Variants in YBEY observed in about 807,000 individuals in gnomAD.
YBEY encodes the protein ybeY metalloendoribonuclease.
In YBEY, 15 loss-of-function variants were observed where a neutral mutation model predicts 13.5. The ratio of observed to expected loss-of-function variants is 1.11; its 90% CI spans 0.75 to 1.72. YBEY has a LOEUF of 1.72. Among genes scored for constraint, YBEY ranks in the 40% most tolerant of loss-of-function variants. The probability of loss-of-function intolerance (pLI) is 0.00; values close to 1 mark genes in which losing one functional copy is unlikely to be tolerated. For synonymous variants in YBEY, 101 were observed against 83.1 expected (o/e 1.21, Z -1.17); for missense variants, 244 against 208.4 (o/e 1.17, Z -1.05).
downstream of YBEY, among the ~76,000 whole-genome samples, chr21:46,298,174 C>G (rs1025751967): frequency 3.3e-5 from 5 of 152,196 alleles, no homozygotes; most frequent in Non-Finnish European, 7.3e-5. Flanking sequence ...TGCGTGAGTT[C>G]TAAAGCCTGG....
At chr21:46,286,810 A>G in intron 1 of YBEY, 60 bp from the exon 2 acceptor site, 1 of 1,029,154 alleles carries the variant, frequency 9.7e-7, no homozygotes, top group South Asian at 1.6e-5. Context: ...GTGCATCTGT[A>G]TTTTTACAGA....
chr21:46,291,911 AG>A (rs2081728399), intron 3 of YBEY: 1 of 887,612 alleles, frequency 1.1e-6, no homozygotes, highest in Admixed American at 6.0e-5. Context: ...CAGTAGAGAA[AG>A]AGTTTAACAC....
At chr21:46,295,444 C>T (rs552408280) in intron 3 of YBEY, among the ~76,000 whole-genome samples, 3 of 152,192 alleles carry the variant, frequency 2.0e-5, no homozygotes, top group African/African-American at 4.8e-5. Flanking sequence ...CATAAACCCC[C>T]TTGGTGCTGT....
At chr21:46,288,729 G>A (rs2081573577) in intron 2 of YBEY, among the ~76,000 whole-genome samples, 1 of 151,316 alleles carries the variant, frequency 6.6e-6, no homozygotes. Context: ...ACGTAAAAAT[G>A]TATTGAAATG....
the YBEY span, among the ~76,000 whole-genome samples, chr21:46,308,149 G>A: frequency 1.1e-4 from 17 of 151,572 alleles, no homozygotes; most frequent in East Asian, 3.0e-3. Flanking sequence ...ATGTGCCACC[G>A]CACCTGCTGA....
At chr21:46,306,477 A>C in the YBEY span, among the ~76,000 whole-genome samples, 1 of 152,170 alleles carries the variant, frequency 6.6e-6, no homozygotes, top group South Asian at 2.1e-4. Flanking sequence ...CCAGCCTGGC[A>C]ACAGAGCGAC....
chr21:46,309,365 G>A, the YBEY span, among the ~76,000 whole-genome samples: 8 of 151,902 alleles, frequency 5.3e-5, no homozygotes, highest in African/African-American at 1.9e-4. Flanking sequence ...GGGAGGCTGA[G>A]GCAGGAGAAT....
At chr21:46,303,708 AATATATATAT>A in the YBEY span, among the ~76,000 whole-genome samples, 10 of 37,272 alleles carry the variant, frequency 2.7e-4, no homozygotes, top group Admixed American at 4.7e-4. Flanking sequence ...ACACACACAA[AATATATATAT>A]ATATATATAT....
the YBEY span, among the ~76,000 whole-genome samples, chr21:46,309,370 G>A: frequency 6.6e-6 from 1 of 151,760 alleles, no homozygotes; most frequent in African/African-American, 2.4e-5. Context: ...GCTGAGGCAG[G>A]AGAATCGCTT....
chr21:46,286,660 G>C, intron 1 of YBEY: 1 of 176,484 alleles, frequency 5.7e-6, no homozygotes, highest in Admixed American at 7.3e-5. Flanking sequence ...CGCTCCTTCC[G>C]CTCCGCCCGC....
At chr21:46,296,269 G>A in intron 4 of YBEY, 39 bp downstream of exon 4, 1 of 1,610,442 alleles carries the variant, frequency 6.2e-7, no homozygotes, top group Non-Finnish European at 8.5e-7. Context: ...GGGGGTGCGT[G>A]GGGGAAGGAG....
the YBEY span, among the ~76,000 whole-genome samples, chr21:46,306,069 C>CAAAAA: frequency 8.2e-6 from 1 of 122,450 alleles, no homozygotes; most frequent in African/African-American, 3.5e-5. Context: ...CACTGTGACT[C>CAAAAA]AAAAAAAAAA....
At chr21:46,305,569 A>ATCC in the YBEY span, among the ~76,000 whole-genome samples, 5 of 152,138 alleles carry the variant, frequency 3.3e-5, no homozygotes, top group African/African-American at 1.2e-4. Context: ...GGCTCAAGTG[A>ATCC]TCCTCCCATA....
downstream of YBEY, chr21:46,302,343 T>A: frequency 9.1e-7 from 1 of 1,104,888 alleles, no homozygotes; most frequent in South Asian, 1.6e-5. Flanking sequence ...TGGGACTCGA[T>A]GGGGATGGGG....
At chr21:46,305,467 C>T in the YBEY span, among the ~76,000 whole-genome samples, 1 of 151,772 alleles carries the variant, frequency 6.6e-6, no homozygotes, top group South Asian at 2.1e-4. Flanking sequence ...GTAGCTGGGA[C>T]CACAGGCACA....
intron 2 of YBEY, among the ~76,000 whole-genome samples, chr21:46,288,694 A>C (rs1042115925): frequency 6.6e-6 from 1 of 151,666 alleles, no homozygotes; most frequent in Non-Finnish European, 1.5e-5. Flanking sequence ...AAAAAAAAAA[A>C]AAGAAGAAAA....
chr21:46,303,729 ATATATATATATATATATTTTTT>A, the YBEY span, among the ~76,000 whole-genome samples: 6 of 27,182 alleles, frequency 2.2e-4, no homozygotes, highest in African/African-American at 1.1e-3. Context: ...ATATATATAT[ATATATATATATATATATTTTTT>A]TTTTTTTTTT....
the YBEY span, among the ~76,000 whole-genome samples, chr21:46,307,759 G>C: frequency 2.6e-5 from 4 of 152,252 alleles, no homozygotes; most frequent in Admixed American, 6.5e-5. Flanking sequence ...TTTGAGGACA[G>C]CTGTCAGGTG....
At chr21:46,288,604 G>C in intron 2 of YBEY, among the ~76,000 whole-genome samples, 1 of 151,662 alleles carries the variant, frequency 6.6e-6, no homozygotes, top group East Asian at 1.9e-4. Flanking sequence ...TCTTGAACCA[G>C]GAAGTCGGAG....
Sources: gnomAD v4.1 joint callset for allele counts (sites outside exome capture counted in the v4.1 genomes callset) on GRCh38, gnomAD v4.1.1 for gene constraint, MANE v1.5 for transcripts, NCBI Gene and HGNC (gene_info 2026-07-23, HGNC 2026-07-21) for gene names.